Variants in NRXN1 observed in about 807,000 individuals in gnomAD.
The protein encoded by NRXN1 is neurexin-1.
A neutral mutation model predicts 150.9 loss-of-function variants in NRXN1; 39 were observed. That is an observed-to-expected ratio of 0.26 (90% CI 0.20 to 0.34). NRXN1 has a LOEUF of 0.34. Among genes scored for constraint, NRXN1 ranks in the 10% least tolerant of loss-of-function variants. The pLI is 1.00. For synonymous variants in NRXN1, 924 were observed against 757.0 expected (o/e 1.22, Z -3.62); for missense variants, 1,815 against 1,949.9 (o/e 0.93, Z 1.30).
chr2:50,733,770 T>C (rs1457405648), intron 5 of NRXN1, among the ~76,000 whole-genome samples: 2 of 152,132 alleles, frequency 1.3e-5, no homozygotes, highest in Non-Finnish European at 2.9e-5. Flanking sequence ...GCAATCAATT[T>C]TCAAAAAGTT....
At chr2:50,577,588 T>TA (rs1460975358) in intron 8 of NRXN1, among the ~76,000 whole-genome samples, 11 of 152,260 alleles carry the variant, frequency 7.2e-5, no homozygotes, top group African/African-American at 2.6e-4. Context: ...TAACACCGTG[T>TA]AAAAATGCCA....
intron 19 of NRXN1, among the ~76,000 whole-genome samples, chr2:50,078,434 T>C (rs1697411939): frequency 6.6e-6 from 1 of 152,024 alleles, no homozygotes; most frequent in South Asian, 2.1e-4. Flanking sequence ...TTTCCTCCTG[T>C]TAATAATTAA....
chr2:50,807,041 T>A (rs1233747804), intron 5 of NRXN1, among the ~76,000 whole-genome samples: 2 of 152,130 alleles, frequency 1.3e-5, no homozygotes, highest in African/African-American at 4.8e-5. Context: ...TACACGCCAA[T>A]CATCCTTGAA....
intron 22 of NRXN1, 115 bp downstream of exon 22, chr2:49,943,589 A>T (rs1265137814): frequency 5.5e-6 from 4 of 726,414 alleles, no homozygotes; most frequent in Non-Finnish European, 7.5e-6. Flanking sequence ...CTCACAATCA[A>T]CGATGGTATA....
intron 18 of NRXN1, among the ~76,000 whole-genome samples, chr2:50,219,946 T>C (rs2063706436): frequency 4.4e-5 from 2 of 44,982 alleles, no homozygotes; most frequent in Non-Finnish European, 7.3e-5. Context: ...TTATATATTA[T>C]ATATATAATA....
At chr2:50,316,988 TAAC>T (rs1483449791) in intron 17 of NRXN1, among the ~76,000 whole-genome samples, 1 of 151,968 alleles carries the variant, frequency 6.6e-6, no homozygotes, top group African/African-American at 2.4e-5. Flanking sequence ...GAAAAAATAA[TAAC>T]TGTTTTTGGG....
At chr2:50,325,916 C>A (rs1174234186) in intron 17 of NRXN1, among the ~76,000 whole-genome samples, 2 of 151,930 alleles carry the variant, frequency 1.3e-5, no homozygotes, top group Non-Finnish European at 2.9e-5. Context: ...ATCTGTAGAG[C>A]CTAACAAAAA....
intron 18 of NRXN1, among the ~76,000 whole-genome samples, chr2:50,197,022 A>C (rs904819482): frequency 1.3e-5 from 2 of 152,168 alleles, no homozygotes; most frequent in African/African-American, 4.8e-5. Context: ...GAGCTTACCT[A>C]TGTAACAAAT....
chr2:50,621,280 A>T, intron 6 of NRXN1, 31 bp from the exon 7 acceptor site: 1 of 1,511,652 alleles, frequency 6.6e-7, no homozygotes, highest in Non-Finnish European at 9.0e-7. Flanking sequence ...AAAGGAAATT[A>T]AAAACTGTGA....
At chr2:50,008,622 T>C (rs1685148285) in intron 21 of NRXN1, among the ~76,000 whole-genome samples, 1 of 152,000 alleles carries the variant, frequency 6.6e-6, no homozygotes, top group Admixed American at 6.6e-5. Context: ...CTGAACACTA[T>C]GTAAGATATG....
chr2:50,673,219 T>G (rs13393793), intron 5 of NRXN1, among the ~76,000 whole-genome samples: 34,120 of 152,012 alleles, frequency 0.22, 3,989 homozygotes, highest in East Asian at 0.29. Flanking sequence ...CCAAAAATTA[T>G]CTAGCACAAT....
At position 50,825,560 on chromosome 2, in the gene NRXN1, C is replaced by T. The variant is rs140245603; in HGVS notation, c.832+96309G>A. Among the ~76,000 whole-genome samples, 578 of 152,298 alleles carry T rather than the reference C, an allele frequency of 3.8e-3. 1 individual carries two copies. Among genetic ancestry groups the T allele is most frequent in the Middle Eastern group, 6.8e-3 (2 of 294 alleles). ...CCTGACAGCTGAACATGTGGAGGAT[C>T]CCAGAGAGAGTATGGCAGCTCTGTG... On this transcript the variant is annotated intron_variant, in intron 5 of 22. Coordinates refer to ENST00000401669, the MANE Select transcript of NRXN1 (RefSeq NM_001330078.2).
intron 15 of NRXN1, among the ~76,000 whole-genome samples, chr2:50,483,003 A>G (rs939923791): frequency 7.0e-6 from 1 of 142,780 alleles, no homozygotes; most frequent in Non-Finnish European, 1.5e-5. Context: ...GTGAGCCAAG[A>G]TCGCGCCCAT....
At chr2:50,806,880 G>A (rs922486827) in intron 5 of NRXN1, among the ~76,000 whole-genome samples, 1 of 152,082 alleles carries the variant, frequency 6.6e-6, no homozygotes, top group Non-Finnish European at 1.5e-5. Context: ...GCATTATTCT[G>A]GTTGTTAGCC....
chr2:49,938,091 A>G (rs563247235), intron 22 of NRXN1, among the ~76,000 whole-genome samples: 74 of 152,336 alleles, frequency 4.9e-4, no homozygotes, highest in Non-Finnish European at 8.7e-4. Context: ...ATGACATGAA[A>G]TTATTTAAAT....
intron 5 of NRXN1, among the ~76,000 whole-genome samples, chr2:50,704,337 T>A (rs1472093616): frequency 5.9e-5 from 9 of 152,140 alleles, no homozygotes; most frequent in African/African-American, 2.2e-4. Context: ...TAGGCAAAGT[T>A]TCCTTACAAT....
chr2:50,904,458 T>C (rs990257929), intron 5 of NRXN1, among the ~76,000 whole-genome samples: 8 of 152,054 alleles, frequency 5.3e-5, no homozygotes, highest in African/African-American at 1.9e-4. Context: ...GTAAAATGGT[T>C]CTCTTCTAAG....
chr2:50,552,533 T>C, intron 9 of NRXN1, 54 bp downstream of exon 9: 7 of 1,354,426 alleles, frequency 5.2e-6, no homozygotes, highest in Non-Finnish European at 6.2e-6. Flanking sequence ...AGGAATGGCA[T>C]GGGTGGGTGG....
intron 5 of NRXN1, among the ~76,000 whole-genome samples, chr2:50,813,089 G>A (rs946850729): frequency 6.6e-6 from 1 of 152,000 alleles, no homozygotes; most frequent in African/African-American, 2.4e-5. Flanking sequence ...AGCTACATGG[G>A]AGGCTGAGTC....
Sources: allele counts gnomAD v4.1 joint callset (sites outside exome capture counted in the v4.1 genomes callset), GRCh38; gene constraint gnomAD v4.1.1; transcripts MANE v1.5; gene names NCBI Gene and HGNC (gene_info 2026-07-23, HGNC 2026-07-21).